The following WWOX variants were observed in gnomAD, a reference collection of about 807,000 sequenced individuals.
WWOX encodes the protein WW domain-containing oxidoreductase.
In WWOX, 69 loss-of-function variants were observed where a neutral mutation model predicts 46.2. The observed-to-expected ratio is 1.49, with a 90% CI of 1.23 to 1.82. The LOEUF is 1.82. WWOX is among the 40% of genes most tolerant of loss of function. WWOX has a pLI of 0.00. For missense variants in WWOX, 919 were observed against 542.6 expected (o/e 1.69, Z -6.89); for synonymous variants, 359 against 202.6 (o/e 1.77, Z -6.56).
chr16:79,053,451 G>A (rs77786673), intron 8 of WWOX, among the ~76,000 whole-genome samples: 1 of 152,126 alleles, frequency 6.6e-6, no homozygotes, highest in Admixed American at 6.6e-5. Context: ...AATTCAATTT[G>A]TAGGAAACTT....
chr16:78,682,343 C>T (rs1425445624), intron 8 of WWOX, among the ~76,000 whole-genome samples: 1 of 152,170 alleles, frequency 6.6e-6, no homozygotes, highest in Non-Finnish European at 1.5e-5. Context: ...ATGGCTCACA[C>T]CTTTCAGCTC....
intron 5 of WWOX, among the ~76,000 whole-genome samples, chr16:78,361,397 C>T (rs1156620129): frequency 6.6e-6 from 1 of 152,104 alleles, no homozygotes; most frequent in African/African-American, 2.4e-5. Flanking sequence ...CTTTGAAATT[C>T]ATAATTATTT....
At chr16:78,761,299 C>G (rs2049786938) in intron 8 of WWOX, among the ~76,000 whole-genome samples, 1 of 152,180 alleles carries the variant, frequency 6.6e-6, no homozygotes, top group African/African-American at 2.4e-5. Flanking sequence ...ATCTGCTTGT[C>G]TTTATCAATC....
At chr16:78,870,993 C>G (rs1471873534) in intron 8 of WWOX, among the ~76,000 whole-genome samples, 3 of 152,162 alleles carry the variant, frequency 2.0e-5, no homozygotes, top group African/African-American at 7.2e-5. Context: ...TAGCCAGGGT[C>G]TCATAGACTC....
intron 5 of WWOX, among the ~76,000 whole-genome samples, chr16:78,270,901 C>T (rs2079463891): frequency 1.3e-5 from 2 of 152,190 alleles, no homozygotes; most frequent in African/African-American, 4.8e-5. Flanking sequence ...ACTTAACTAT[C>T]TGGCCCTTCA....
intron 8 of WWOX, among the ~76,000 whole-genome samples, chr16:79,064,838 G>C (rs1163719789): frequency 2.0e-5 from 3 of 152,198 alleles, no homozygotes; most frequent in Non-Finnish European, 4.4e-5. Context: ...ATCTGCCCTG[G>C]AATGGCATTC....
chr16:78,805,417 C>T (rs927823480), intron 8 of WWOX, among the ~76,000 whole-genome samples: 28 of 129,002 alleles, frequency 2.2e-4, no homozygotes, highest in Non-Finnish European at 3.6e-4. Context: ...CCCGCCACCT[C>T]GCCTGGCTAA....
At chr16:78,724,605 C>T (rs1033616483) in intron 8 of WWOX, among the ~76,000 whole-genome samples, 8 of 152,054 alleles carry the variant, frequency 5.3e-5, no homozygotes, top group Admixed American at 3.9e-4. Context: ...ATGTGTAGTC[C>T]CCTAGTGAAA....
At chr16:78,651,000 A>G (rs1334817808) in intron 8 of WWOX, among the ~76,000 whole-genome samples, 1 of 152,224 alleles carries the variant, frequency 6.6e-6, no homozygotes, top group Non-Finnish European at 1.5e-5. Flanking sequence ...CTTAGGACTG[A>G]TAGAGATTTG....
At chr16:78,444,064 A>G (rs78569631) in intron 8 of WWOX, among the ~76,000 whole-genome samples, 1,604 of 152,310 alleles carry the variant, frequency 0.011, 21 homozygotes, top group African/African-American at 0.037. Context: ...AGCAAAAACA[A>G]AGAGGGCTGA....
Position 79,026,975 on chromosome 16 carries a change from TAAAG to T in WWOX, c.1057-184629_1057-184626del, listed in dbSNP as rs1222297297. Among the ~76,000 whole-genome samples the T allele has an allele frequency of 2.0e-5, 3 of 150,846 alleles. No individual in the cohort carries two copies. In the East Asian group the frequency reaches 5.9e-4, roughly 30 times the overall value. ...GAATTTTTGCTGAATACTGAGTAAA[TAAAG>T]AAAAGTTAACACAGTGGAGTCCAGG... On this transcript the variant is annotated intron_variant, in intron 8 of 8. Coordinates refer to ENST00000566780, the MANE Select transcript of WWOX (RefSeq NM_016373.4).
chr16:78,148,097 A>G (rs2034270499), intron 4 of WWOX, among the ~76,000 whole-genome samples: 1 of 152,246 alleles, frequency 6.6e-6, no homozygotes, highest in South Asian at 2.1e-4. Context: ...ACGTTCAGTA[A>G]TAGAATATAG....
chr16:78,304,254 T>C (rs1397853604), intron 5 of WWOX, among the ~76,000 whole-genome samples: 1 of 152,244 alleles, frequency 6.6e-6, no homozygotes, highest in Non-Finnish European at 1.5e-5. Flanking sequence ...TTCTAATGCA[T>C]AGGCCTTTAG....
chr16:78,151,455 A>G (rs992041250), intron 4 of WWOX, among the ~76,000 whole-genome samples: 1 of 152,058 alleles, frequency 6.6e-6, no homozygotes, highest in Non-Finnish European at 1.5e-5. Context: ...TTCTGTAGAG[A>G]ATACCTTAGA....
At chr16:78,420,164 G>A (rs2082888681) in intron 6 of WWOX, among the ~76,000 whole-genome samples, 1 of 152,090 alleles carries the variant, frequency 6.6e-6, no homozygotes. Context: ...TACAGTCCTG[G>A]CGGAAATGTA....
chr16:78,108,954 C>G (rs2032323610), intron 2 of WWOX, among the ~76,000 whole-genome samples: 1 of 152,204 alleles, frequency 6.6e-6, no homozygotes, highest in African/African-American at 2.4e-5. Context: ...CACCACTGCG[C>G]TCCAGCCTCG....
intron 8 of WWOX, among the ~76,000 whole-genome samples, chr16:78,642,476 C>A (rs2046743357): frequency 2.0e-5 from 3 of 152,228 alleles, no homozygotes; most frequent in South Asian, 2.1e-4. Flanking sequence ...TTACTGAGCT[C>A]CATGTATGTG....
chr16:78,617,028 C>G lies in WWOX; in HGVS notation c.1056+184276C>G, dbSNP rs1052151004. 3.3e-5 allele frequency among the ~76,000 whole-genome samples: 5 copies of G among 152,158 alleles called. 1 individual carries two copies. The highest frequency in any genetic ancestry group is 2.9e-5 in the Non-Finnish European group (2 of 68,026). The stretch of plus-strand genomic sequence containing the variant: ...AAACCCAGCGTGGTGATTTTGGCAG[C>G]CTTGCCATGCATCTCTAACATGCAC... On this transcript the variant is annotated intron_variant, in intron 8 of 8. Coordinates refer to ENST00000566780, the MANE Select transcript of WWOX (RefSeq NM_016373.4).
chr16:78,190,394 C>T (rs767425187), intron 5 of WWOX, among the ~76,000 whole-genome samples: 9 of 152,132 alleles, frequency 5.9e-5, no homozygotes, highest in Non-Finnish European at 1.0e-4. Context: ...ACTAATAAAT[C>T]CCGCTTTGTG....
Sources: allele counts gnomAD v4.1 joint callset (sites outside exome capture counted in the v4.1 genomes callset), GRCh38; gene constraint gnomAD v4.1.1; transcripts MANE v1.5; gene names NCBI Gene and HGNC (gene_info 2026-07-23, HGNC 2026-07-21).